CEACAM5: variants seen among roughly 807,000 people sequenced by gnomAD.
CEACAM5 encodes cell adhesion molecule CEACAM5.
Under a neutral mutation model 63.0 loss-of-function variants are expected in CEACAM5, and 52 were observed. The observed-to-expected ratio is 0.83, with a 90% CI of 0.66 to 1.04. CEACAM5 has a LOEUF of 1.04. Among genes scored for constraint, CEACAM5 ranks in the 50% least tolerant of loss-of-function variants. CEACAM5 has a pLI of 0.00. For synonymous variants in CEACAM5, 357 were observed against 351.3 expected (o/e 1.02, Z -0.18); for missense variants, 790 against 864.8 (o/e 0.91, Z 1.08).
chr19:41,715,057 A>G lies in CEACAM5; in HGVS notation c.511A>G (p.Thr171Ala). 7 of 1,614,140 alleles carry G rather than the reference A, an allele frequency of 4.3e-6. No individual in the cohort carries two copies. The highest frequency in any genetic ancestry group is 5.9e-6 in the Non-Finnish European group (7 of 1,180,030). ...TGTGGCCTTCACCTGTGAACCTGAG[A>G]CTCAGGACGCAACCTACCTGTGGTG... ...DAVAFTCEPE[T>A]QDATYLWWVN... The change falls in exon 3 of 10, where the codon ACT becomes GCT. Residue 171 changes from threonine to alanine, a missense_variant. Physicochemically the swap from Thr to Ala is moderately conservative, Grantham distance 58. Transcript: ENST00000221992.
chr19:41,730,332 G>T lies in CEACAM5; in HGVS notation c.*1185G>T, dbSNP rs1397289353. The stretch of plus-strand genomic sequence containing the variant: ...AGCTACTCAGGAGGCTGAGGCAGGA[G>T]AACGGCATGAACCCGGGAGGCAGGG... On this transcript the variant is annotated 3_prime_UTR_variant, in exon 10 of 10. Transcript: ENST00000221992. 6.6e-6 allele frequency among the ~76,000 whole-genome samples: 1 copy of T among 151,590 alleles called. No homozygotes were observed. The highest frequency in any genetic ancestry group is 1.5e-5 in the Non-Finnish European group (1 of 67,968).
At chr19:41,726,571 A>T (rs1459808276) in intron 8 of CEACAM5, among the ~76,000 whole-genome samples, 2 of 152,214 alleles carry the variant, frequency 1.3e-5, no homozygotes, top group East Asian at 3.8e-4. Context: ...ACCGGGGGGA[A>T]CCACCATGAG....
intron 5 of CEACAM5, 142 bp downstream of exon 5, chr19:41,717,875 C>T: frequency 1.8e-6 from 2 of 1,128,158 alleles, no homozygotes; most frequent in East Asian, 4.7e-5. Context: ...CCCAGCAAAT[C>T]CATGCAGGCC....
intron 2 of CEACAM5, among the ~76,000 whole-genome samples, chr19:41,712,057 C>CT (rs1555814180): frequency 1.1e-4 from 17 of 152,096 alleles, no homozygotes; most frequent in African/African-American, 4.1e-4. Flanking sequence ...GGCAGCAGGA[C>CT]GGGAATGAGC....
In CEACAM5 at chr19:41,717,726, T is replaced by C. The variant is rs782127501; in HGVS notation, c.1230T>C (p.Asn410=). Residue 410 remains asparagine (N), a synonymous_variant, in exon 5 of 10, where the codon AAT becomes AAC. Transcript: ENST00000221992. ...ACCACAGCGACCCAGTCATCCTGAATGTCCTCTGTGAGTATCTTCTGTTCC... is the reference window on the plus strand; with the variant it reads ...ACCACAGCGACCCAGTCATCCTGAACGTCCTCTGTGAGTATCTTCTGTTCC... The part of the protein sequence containing the change: ...SVDHSDPVIL[N]VLYGPDDPTI... 8.1e-6 allele frequency: 13 copies of C among 1,613,826 alleles called. No individual in the cohort carries two copies. Among genetic ancestry groups the C allele is most frequent in the Non-Finnish European group, 1.1e-5 (13 of 1,179,784 alleles).
In CEACAM5 at chr19:41,729,873, G is replaced by A. The variant is rs1002050948; in HGVS notation, c.*726G>A. On this transcript the variant is annotated 3_prime_UTR_variant, in exon 10 of 10. Coordinates refer to ENST00000221992, the MANE Select transcript of CEACAM5 (RefSeq NM_004363.6). Reference sequence around the variant, plus strand: ...CTATTCATGAATATTTATATTGTATGGTAATATAGTTATTGCACAAGTTCA... The same window carrying A: ...CTATTCATGAATATTTATATTGTATAGTAATATAGTTATTGCACAAGTTCA... 1.3e-5 allele frequency: 2 copies of A among 152,058 alleles called. No individual in the cohort carries two copies. Among genetic ancestry groups the A allele is most frequent in the Non-Finnish European group, 2.9e-5 (2 of 68,010 alleles). The allele number at this position is 152,058 out of a possible 1,614,324, so 9.4% of individuals were successfully genotyped here.
Position 41,721,138 on chromosome 19 carries a change from G to A in CEACAM5, c.1988G>A (p.Gly663Asp). The A allele has an allele frequency of 2.5e-6, 4 of 1,614,180 alleles. No homozygotes were observed. Among genetic ancestry groups the A allele is most frequent in the Middle Eastern group, 1.6e-4 (1 of 6,062 alleles). The change falls in exon 8 of 10, where the codon GGC becomes GAC. Residue 663 changes from glycine (G) to aspartate (D), a missense_variant. By Grantham distance (94) the Gly-to-Asp change is moderately conservative. Coordinates refer to ENST00000221992, the MANE Select transcript of CEACAM5 (RefSeq NM_004363.6). ...YACFVSNLAT[G>D]RNNSIVKSIT... ...TGTTTTGTCTCTAACTTGGCTACTGGCCGCAATAATTCCATAGTCAAGAGC... is the reference window on the plus strand; with the variant it reads ...TGTTTTGTCTCTAACTTGGCTACTGACCGCAATAATTCCATAGTCAAGAGC...
chr19:41,719,901 G>A, intron 6 of CEACAM5, 29 bp from the exon 7 acceptor site: 1 of 1,613,346 alleles, frequency 6.2e-7, no homozygotes, highest in Non-Finnish European at 8.5e-7. Flanking sequence ...GTGCCACACA[G>A]GGCAATCTTC....
chr19:41,727,297 T>C lies in CEACAM5; in HGVS notation c.2090T>C (p.Val697Ala). The C allele has an allele frequency of 6.2e-7, 1 of 1,613,944 alleles. No homozygotes were observed. Among genetic ancestry groups the C allele is most frequent in the Non-Finnish European group, 8.5e-7 (1 of 1,179,802 alleles). ...GTCGGCATCATGATTGGAGTGCTGG[T>C]TGGGGTTGCTCTGATATAGCAGCCC... is the stretch of plus-strand genomic sequence containing the variant. The part of the protein sequence containing the change: ...ATVGIMIGVL[V>A]GVALI Residue 697 changes from valine (V) to alanine (A), a missense_variant, in exon 9 of 10, where the codon GTT becomes GCT. Transcript: ENST00000221992.
At chr19:41,726,046 A>T (rs782220440) in intron 8 of CEACAM5, among the ~76,000 whole-genome samples, 1 of 152,210 alleles carries the variant, frequency 6.6e-6, no homozygotes, top group African/African-American at 2.4e-5. Context: ...TGGAGGAAAA[A>T]TGAAAATTGC....
intron 5 of CEACAM5, 105 bp downstream of exon 5, chr19:41,717,838 C>T (rs1600466534): frequency 5.0e-6 from 7 of 1,409,578 alleles, no homozygotes; most frequent in East Asian, 2.3e-5. Flanking sequence ...GAGACTTTTA[C>T]CCCTGGACAT....
chr19:41,727,377 G>C, intron 9 of CEACAM5, 25 bp downstream of exon 9: 1 of 1,211,958 alleles, frequency 8.3e-7, no homozygotes, highest in Non-Finnish European at 1.2e-6. Flanking sequence ...CTTTCCTCTT[G>C]TTCTGTTTCC....
At chr19:41,714,603 A>C (rs2072488717) in intron 2 of CEACAM5, among the ~76,000 whole-genome samples, 1 of 152,228 alleles carries the variant, frequency 6.6e-6, no homozygotes, top group Non-Finnish European at 1.5e-5. Flanking sequence ...TGAAGGTGGA[A>C]GGGACCCAGC....
chr19:41,727,198 A>T (rs1240573929), intron 8 of CEACAM5, 36 bp from the exon 9 acceptor site: 1 of 1,499,620 alleles, frequency 6.7e-7, no homozygotes, highest in Admixed American at 1.7e-5. Context: ...CATCACATTC[A>T]TTCCTTCTCT....
Position 41,715,179 on chromosome 19 carries a change from A to G in CEACAM5, c.633A>G (p.Ala211=). Residue 211 remains alanine (A), a synonymous_variant, in exon 3 of 10, where the codon GCA becomes GCG. Coordinates refer to ENST00000221992, the MANE Select transcript of CEACAM5 (RefSeq NM_004363.6). ...TLFNVTRNDT[A]SYKCETQNPV... ...TCAATGTCACAAGAAATGACACAGC[A>G]AGCTACAAATGTGAAACCCAGAACC... The G allele has an allele frequency of 6.2e-7, 1 of 1,614,240 alleles. No individual in the cohort carries two copies. Among genetic ancestry groups the G allele is most frequent in the Non-Finnish European group, 8.5e-7 (1 of 1,180,034 alleles).
intron 2 of CEACAM5, among the ~76,000 whole-genome samples, chr19:41,713,911 G>A (rs1347833105): frequency 1.3e-5 from 2 of 152,170 alleles, no homozygotes; most frequent in African/African-American, 2.4e-5. Context: ...AAGGGGAGAA[G>A]GGACATTAAA....
At chr19:41,725,819 T>G (rs1182547746) in intron 8 of CEACAM5, among the ~76,000 whole-genome samples, 1 of 152,226 alleles carries the variant, frequency 6.6e-6, no homozygotes, top group Non-Finnish European at 1.5e-5. Context: ...TCCATTTTAT[T>G]TATTTAAACT....
At chr19:41,724,673 TC>T (rs2072673126) in intron 8 of CEACAM5, among the ~76,000 whole-genome samples, 1 of 152,222 alleles carries the variant, frequency 6.6e-6, no homozygotes, top group African/African-American at 2.4e-5. Context: ...CAGGGTACAA[TC>T]CTTTCACCTC....
At chr19:41,711,000 G>A (rs1469632684) in intron 2 of CEACAM5, among the ~76,000 whole-genome samples, 5 of 152,170 alleles carry the variant, frequency 3.3e-5, no homozygotes, top group Non-Finnish European at 5.9e-5. Flanking sequence ...TCAGATTGAA[G>A]TCACATGAGG....
Sources: gnomAD v4.1 joint callset for allele counts (sites outside exome capture counted in the v4.1 genomes callset) on GRCh38, gnomAD v4.1.1 for gene constraint, MANE v1.5 for transcripts, NCBI Gene and HGNC (gene_info 2026-07-23, HGNC 2026-07-21) for gene names.